Variants in TRIM5 observed in about 807,000 individuals in gnomAD.
TRIM5 encodes tripartite motif containing 5.
TRIM5 carries 31 observed loss-of-function variants against 35.6 expected under a neutral mutation model. The ratio of observed to expected loss-of-function variants is 0.87; its 90% CI spans 0.65 to 1.18. The LOEUF (loss-of-function observed/expected upper bound fraction) is 1.18. TRIM5 is among the 50% of genes most tolerant of loss of function. TRIM5 has a pLI of 0.00. For missense variants in TRIM5, 609 were observed against 591.6 expected, an observed-to-expected ratio of 1.03 and a Z score of -0.31; for synonymous variants, 243 against 215.6, an observed-to-expected ratio of 1.13 and a Z score of -1.11.
At chr11:5,680,391 A>G (rs1354172362) in intron 1 of TRIM5, among the ~76,000 whole-genome samples, 153 bp from the exon 2 acceptor site, 1 of 152,250 alleles carries the variant, frequency 6.6e-6, no homozygotes, top group Non-Finnish European at 1.5e-5. Context: ...ACCTGGTAAT[A>G]AGGGCTTTTC....
chr11:5,597,738 T>C, the TRIM5 span, among the ~76,000 whole-genome samples: 80 of 152,286 alleles, frequency 5.3e-4, no homozygotes, highest in African/African-American at 1.9e-3. Context: ...CTGAAAGCCA[T>C]TTTGATATCG....
chr11:5,610,161 C>T, the TRIM5 span: 1 of 1,614,066 alleles, frequency 6.2e-7, no homozygotes, highest in Non-Finnish European at 8.5e-7. Flanking sequence ...GTTCTGGACC[C>T]TGAGGAAGCC....
chr11:5,664,878 C>T lies in TRIM5; in HGVS notation c.1413G>A (p.Gln471=). 6.2e-7 allele frequency: 1 copy of T among 1,613,538 alleles called. No homozygotes were observed. The highest frequency in any genetic ancestry group is 1.1e-5 in the South Asian group (1 of 91,002). Residue 471 remains glutamine (Q), a synonymous_variant, in exon 8 of 8, where the codon CAG becomes CAA. Transcript: ENST00000380034. ...TAGGATTTAAATATGGAAATACAGG[C>T]TGAGAAAAAGAACAGTGAGAAAACT... ...IYKFSHCSFS[Q]PVFPYLNPRK... is the part of the protein sequence containing the mutation.
At chr11:5,632,250 C>A in the TRIM5 span, 1 of 1,590,352 alleles carries the variant, frequency 6.3e-7, no homozygotes, top group East Asian at 2.2e-5. Flanking sequence ...TTTCAATCTT[C>A]TCAGCCATCC....
the TRIM5 span, chr11:5,610,026 C>T: frequency 2.0e-6 from 2 of 1,001,998 alleles, no homozygotes; most frequent in Admixed American, 4.7e-5. Context: ...CAGAATGATG[C>T]TAAGTGTATT....
chr11:5,603,125 G>T, the TRIM5 span: 1 of 1,478,036 alleles, frequency 6.8e-7, no homozygotes. Context: ...TTGGATATGA[G>T]AATGAGAAGC....
chr11:5,598,632 C>A, the TRIM5 span, among the ~76,000 whole-genome samples: 1 of 152,150 alleles, frequency 6.6e-6, no homozygotes, highest in African/African-American at 2.4e-5. Context: ...TAAACTAAAT[C>A]TTCAAAATCC....
At chr11:5,680,350 A>C (rs886827269) in intron 1 of TRIM5, 112 bp from the exon 2 acceptor site, 7 of 643,984 alleles carry the variant, frequency 1.1e-5, no homozygotes, top group African/African-American at 3.6e-5. Context: ...AAGGACAAAA[A>C]AAGGGGAGAA....
chr11:5,624,109 C>T, the TRIM5 span, among the ~76,000 whole-genome samples: 1 of 152,176 alleles, frequency 6.6e-6, no homozygotes, highest in Non-Finnish European at 1.5e-5. Context: ...GGTTTGATTT[C>T]AAGGTTACCT....
chr11:5,643,322 C>T, the TRIM5 span: 10 of 1,613,884 alleles, frequency 6.2e-6, no homozygotes, highest in South Asian at 8.8e-5. Context: ...AGAAAACTGC[C>T]TGGATCCTGG....
At chr11:5,626,772 C>T in the TRIM5 span, 1 of 151,980 alleles carries the variant, frequency 6.6e-6, no homozygotes, top group African/African-American at 2.4e-5. Flanking sequence ...GTCCCAGCTA[C>T]TCGGGAGGCT....
the TRIM5 span, chr11:5,605,593 C>A: frequency 6.3e-7 from 1 of 1,590,202 alleles, no homozygotes; most frequent in Non-Finnish European, 8.5e-7. Context: ...GAGCCCAGAT[C>A]TGAGAGTCAA....
chr11:5,682,594 C>G (rs1426816515), intron 1 of TRIM5, among the ~76,000 whole-genome samples: 1 of 152,158 alleles, frequency 6.6e-6, no homozygotes, highest in Non-Finnish European at 1.5e-5. Context: ...GATCTTGACC[C>G]CTGACCAGAT....
At chr11:5,673,267 C>T (rs941084000) in intron 4 of TRIM5, among the ~76,000 whole-genome samples, 4 of 151,976 alleles carry the variant, frequency 2.6e-5, no homozygotes, top group African/African-American at 9.7e-5. Context: ...CATAAGACAA[C>T]TCAAGTAGAT....
At chr11:5,682,488 T>C (rs1014400405) in intron 1 of TRIM5, among the ~76,000 whole-genome samples, 3 of 152,114 alleles carry the variant, frequency 2.0e-5, no homozygotes, top group Admixed American at 1.3e-4. Flanking sequence ...CCTGATGAAA[T>C]GACTGGGAAA....
At chr11:5,670,302 CG>C (rs1362273423) in intron 4 of TRIM5, among the ~76,000 whole-genome samples, 3 of 150,878 alleles carry the variant, frequency 2.0e-5, no homozygotes, top group Non-Finnish European at 4.4e-5. Context: ...TTCAGCCTCC[CG>C]AGTAGCTGGG....
chr11:5,682,961 G>A (rs1852623527), intron 1 of TRIM5, among the ~76,000 whole-genome samples: 1 of 152,198 alleles, frequency 6.6e-6, no homozygotes, highest in African/African-American at 2.4e-5. Flanking sequence ...AGGGGCGAGC[G>A]GGAACCGGGG....
At chr11:5,643,142 A>C in the TRIM5 span, 1 of 1,403,418 alleles carries the variant, frequency 7.1e-7, no homozygotes, top group South Asian at 1.8e-5. Flanking sequence ...TTTTTCTTGC[A>C]GTGGATGTCA....
chr11:5,641,080 A>AT, the TRIM5 span: 1,671 of 1,361,822 alleles, frequency 1.2e-3, no homozygotes, highest in South Asian at 2.3e-3. Context: ...TGATTTTTCC[A>AT]TTTTTTTTCC....
Sources: gnomAD v4.1 joint callset for allele counts (sites outside exome capture counted in the v4.1 genomes callset) on GRCh38, gnomAD v4.1.1 for gene constraint, MANE v1.5 for transcripts, NCBI Gene and HGNC (gene_info 2026-07-23, HGNC 2026-07-21) for gene names.